The following DRC8 variants were observed in gnomAD, a reference collection of about 807,000 sequenced individuals.
DRC8 encodes the protein dynein regulatory complex protein 8.
the DRC8 span, among the ~76,000 whole-genome samples, chr1:245,018,826 A>T: frequency 6.6e-6 from 1 of 152,130 alleles, no homozygotes; most frequent in Non-Finnish European, 1.5e-5. Flanking sequence ...CTTTTTATTT[A>T]TGGGTTAAGG....
the DRC8 span, among the ~76,000 whole-genome samples, chr1:245,019,230 G>A: frequency 1.3e-5 from 2 of 152,226 alleles, no homozygotes; most frequent in East Asian, 1.9e-4. Context: ...TAAGAAAATT[G>A]TTATTGTTTT....
the DRC8 span, among the ~76,000 whole-genome samples, chr1:245,090,169 A>G: frequency 1.3e-5 from 2 of 152,170 alleles, no homozygotes; most frequent in African/African-American, 4.8e-5. Flanking sequence ...AGCAGTTCCG[A>G]TGGTGTCCGT....
At chr1:245,119,637 TAAA>T in the DRC8 span, among the ~76,000 whole-genome samples, 1 of 135,008 alleles carries the variant, frequency 7.4e-6, no homozygotes, top group African/African-American at 2.8e-5. Context: ...AGACCCTGTC[TAAA>T]AAAAAAAAGG....
the DRC8 span, among the ~76,000 whole-genome samples, chr1:244,988,420 G>C: frequency 6.6e-6 from 1 of 151,432 alleles, no homozygotes; most frequent in Non-Finnish European, 1.5e-5. Flanking sequence ...TATATTTTGT[G>C]GCCTATTAGA....
chr1:245,112,604 A>G, the DRC8 span, among the ~76,000 whole-genome samples: 2 of 152,322 alleles, frequency 1.3e-5, no homozygotes, highest in Middle Eastern at 3.4e-3. Context: ...CAAGTTTACC[A>G]TTTTAACCAC....
chr1:245,058,049 C>G, the DRC8 span, among the ~76,000 whole-genome samples: 2 of 151,918 alleles, frequency 1.3e-5, no homozygotes, highest in Non-Finnish European at 2.9e-5. Context: ...TTGTGTTGCC[C>G]TCCTTCAAAA....
chr1:245,078,454 T>TGG, the DRC8 span, among the ~76,000 whole-genome samples: 465 of 11,494 alleles, frequency 0.04, 2 homozygotes, highest in African/African-American at 0.072. Flanking sequence ...GAGTGGATAG[T>TGG]ATATGTACAC....
the DRC8 span, among the ~76,000 whole-genome samples, chr1:245,054,604 G>A: frequency 6.6e-6 from 1 of 151,972 alleles, no homozygotes; most frequent in African/African-American, 2.4e-5. Flanking sequence ...TGGCTGCTCT[G>A]CTCCATCTCT....
At chr1:244,986,354 A>G in the DRC8 span, among the ~76,000 whole-genome samples, 1 of 152,214 alleles carries the variant, frequency 6.6e-6, no homozygotes, top group Non-Finnish European at 1.5e-5. Flanking sequence ...ACAAGCCTGA[A>G]GTAAGAAAGG....
the DRC8 span, among the ~76,000 whole-genome samples, chr1:245,026,674 G>A: frequency 1.3e-5 from 2 of 152,198 alleles, no homozygotes; most frequent in Non-Finnish European, 2.9e-5. Context: ...TATTCATGCA[G>A]TGATTGTTCA....
chr1:245,070,026 C>A, the DRC8 span, among the ~76,000 whole-genome samples: 11 of 152,154 alleles, frequency 7.2e-5, no homozygotes, highest in Admixed American at 4.6e-4. Context: ...GCCTGGGCAA[C>A]AGAGTAAGAC....
chr1:245,112,169 G>A, the DRC8 span, among the ~76,000 whole-genome samples: 2 of 152,238 alleles, frequency 1.3e-5, no homozygotes, highest in Non-Finnish European at 2.9e-5. Context: ...CCGCCTCCCG[G>A]GTTCAAGCGA....
At chr1:245,011,976 G>A in the DRC8 span, among the ~76,000 whole-genome samples, 7 of 152,188 alleles carry the variant, frequency 4.6e-5, no homozygotes, top group Non-Finnish European at 1.0e-4. Flanking sequence ...AGCACTTTGG[G>A]AGGTCACGGG....
the DRC8 span, among the ~76,000 whole-genome samples, chr1:245,103,636 G>C: frequency 8.0e-6 from 1 of 125,142 alleles, no homozygotes; most frequent in African/African-American, 3.1e-5. Context: ...TGGTCAGGAG[G>C]GGGGACCAGA....
chr1:244,975,897 G>A, the DRC8 span, among the ~76,000 whole-genome samples: 1 of 151,738 alleles, frequency 6.6e-6, no homozygotes, highest in African/African-American at 2.4e-5. Context: ...TACAATAAAG[G>A]AATGCTGAAT....
At chr1:245,017,422 G>A in the DRC8 span, 1 of 1,207,430 alleles carries the variant, frequency 8.3e-7, no homozygotes, top group Non-Finnish European at 1.1e-6. Context: ...CTGTACCTTG[G>A]ATTTATTATG....
At chr1:245,059,543 T>TA in the DRC8 span, 130 of 1,143,366 alleles carry the variant, frequency 1.1e-4, no homozygotes, top group South Asian at 2.4e-4. Flanking sequence ...TACCGGAAAC[T>TA]AAAAAAAAGT....
chr1:245,014,214 C>T, the DRC8 span, among the ~76,000 whole-genome samples: 1 of 151,932 alleles, frequency 6.6e-6, no homozygotes, highest in Non-Finnish European at 1.5e-5. Context: ...CAAGTTCAAA[C>T]AACTGACCTG....
At chr1:244,979,031 G>C in the DRC8 span, among the ~76,000 whole-genome samples, 1 of 152,210 alleles carries the variant, frequency 6.6e-6, no homozygotes, top group South Asian at 2.1e-4. Context: ...TGCCTGGGGA[G>C]AGTCACCTGA....
Sources: gnomAD v4.1 joint callset for allele counts (sites outside exome capture counted in the v4.1 genomes callset) on GRCh38, gnomAD v4.1.1 for gene constraint, MANE v1.5 for transcripts, NCBI Gene and HGNC (gene_info 2026-07-23, HGNC 2026-07-21) for gene names.